RPL3L: variants seen among roughly 807,000 people sequenced by gnomAD.
RPL3L encodes ribosomal protein uL3-like.
In RPL3L, 44 loss-of-function variants were observed where a neutral mutation model predicts 44.5. That is an observed-to-expected ratio of 0.99 (90% CI 0.78 to 1.27). The LOEUF (loss-of-function observed/expected upper bound fraction) is 1.27. RPL3L is among the 50% of genes most tolerant of loss of function. The probability of loss-of-function intolerance (pLI) is 0.00; values close to 1 mark genes in which losing one functional copy is unlikely to be tolerated. For synonymous variants in RPL3L, 292 were observed against 230.7 expected, an observed-to-expected ratio of 1.27 and a Z score of -2.41; for missense variants, 631 against 569.1, an observed-to-expected ratio of 1.11 and a Z score of -1.11.
rs201091219 is a variant in RPL3L, at chr16:1,952,129, A to T, written c.365+745T>A. On this transcript the variant is annotated intron_variant, in intron 3 of 9. Coordinates refer to ENST00000268661, the MANE Select transcript of RPL3L (RefSeq NM_005061.3). ...ACGCCCAGCTTATTTTTTTATTTTTATTTTTTTTTTTGTATTTTTAGTAGA... is the reference window on the plus strand; with the variant it reads ...ACGCCCAGCTTATTTTTTTATTTTTTTTTTTTTTTTTGTATTTTTAGTAGA... Among the ~76,000 whole-genome samples the T allele has an allele frequency of 4.0e-3, 565 of 142,028 alleles. 2 individuals carry two copies. Among genetic ancestry groups the T allele is most frequent in the East Asian group, 0.02 (97 of 4,864 alleles). 93.2% of individuals were successfully genotyped at this position (142,028 alleles called of 152,430 possible). A position where few individuals can be genotyped will look rare whatever the true frequency, so the allele number is the denominator to read the frequency against.
chr16:1,946,940 TCTTGTTGAG>T lies in RPL3L; in HGVS notation c.838_846del (p.Leu280_Lys282del). ...CCGTACCCCGGCTGAGGACGCACCT[TCTTGTTGAG>T]CTCCGTGCGGTGGTGATAGCCCTTC... On this transcript the variant is annotated inframe_deletion, in exon 6 of 10. Coordinates refer to ENST00000268661, the MANE Select transcript of RPL3L (RefSeq NM_005061.3). 2 of 1,599,614 alleles carry T rather than the reference TCTTGTTGAG, an allele frequency of 1.3e-6. No individual in the cohort carries two copies. Among genetic ancestry groups the T allele is most frequent in the Non-Finnish European group, 1.7e-6 (2 of 1,172,786 alleles).
Position 1,947,212 on chromosome 16 carries a change from T to A in RPL3L, c.670A>T (p.Lys224Ter). 1 of 1,612,930 alleles carries A rather than the reference T, an allele frequency of 6.2e-7. No individual in the cohort carries two copies. The highest frequency in any genetic ancestry group is 8.5e-7 in the Non-Finnish European group (1 of 1,179,336). The change falls in exon 5 of 10, where the codon AAG (lysine) becomes TAG (stop). Residue 224 changes from lysine to a stop codon, truncating the protein, a stop_gained. Coordinates refer to ENST00000268661, the MANE Select transcript of RPL3L (RefSeq NM_005061.3). LOFTEE classifies it high-confidence loss of function. ...GCCCTACCTTTGACGCCTCGACCCT[T>A]GGTGACAGCAATGACATCAATGACC... ...SEVIDVIAVT[K>*]GRGVKGVTSR...
chr16:1,946,154 G>T (rs2083119557), intron 7 of RPL3L, among the ~76,000 whole-genome samples: 1 of 152,226 alleles, frequency 6.6e-6, no homozygotes, highest in African/African-American at 2.4e-5. Context: ...CTGCATTTTT[G>T]TTGGGGGAGA....
chr16:1,952,975 G>GC lies in RPL3L; in HGVS notation c.263dup (p.Val89ArgfsTer24). 6.2e-7 allele frequency: 1 copy of GC among 1,612,876 alleles called. No homozygotes were observed. The highest frequency in any genetic ancestry group is 8.5e-7 in the Non-Finnish European group (1 of 1,179,614). On this transcript the variant is annotated frameshift_variant, in exon 3 of 10. Transcript: ENST00000268661. LOFTEE classifies it high-confidence loss of function. ...GAGGGGTGGCCACGTAGCCCACCAC[G>GC]CCCACCACCACTAGGGGCGGCGTTT... is the stretch of plus-strand genomic sequence containing the variant.
In RPL3L at chr16:1,944,680, T is replaced by C; in HGVS notation, c.*157A>G. On this transcript the variant is annotated 3_prime_UTR_variant, in exon 10 of 10. Coordinates refer to ENST00000268661, the MANE Select transcript of RPL3L (RefSeq NM_005061.3). Reference sequence around the variant, plus strand: ...CTCTTTCTCTATTGCAATTCCCCTGTCTTAATGAATCGGCTTTGTCTAGGC... The same window carrying C: ...CTCTTTCTCTATTGCAATTCCCCTGCCTTAATGAATCGGCTTTGTCTAGGC... 1 of 808,682 alleles carries C rather than the reference T, an allele frequency of 1.2e-6. No individual in the cohort carries two copies. Among genetic ancestry groups the C allele is most frequent in the Non-Finnish European group, 2.1e-6 (1 of 478,060 alleles). 50.1% of individuals were successfully genotyped at this position (808,682 alleles called of 1,614,324 possible). A position where few individuals can be genotyped will look rare whatever the true frequency, so the allele number is the denominator to read the frequency against.
rs2083102227 is a variant in RPL3L at position 1,944,130 on chromosome 16, A to T, written c.*707T>A. On this transcript the variant is annotated 3_prime_UTR_variant, in exon 10 of 10. Transcript: ENST00000268661. The stretch of plus-strand genomic sequence containing the variant: ...AGCCAGTTTATAGTTTAAAACAAAG[A>T]CAGTAACAGCCCTTTCCCAAAGCAG... The T allele has an allele frequency of 6.6e-6, 1 of 152,220 alleles. No homozygotes were observed. Among genetic ancestry groups the T allele is most frequent in the African/African-American group, 2.4e-5 (1 of 41,436 alleles). The allele number at this position is 152,220 out of a possible 1,614,324, so 9.4% of individuals were successfully genotyped here.
intron 6 of RPL3L, 93 bp downstream of exon 6, chr16:1,946,845 C>T (rs1432765525): frequency 2.6e-6 from 4 of 1,562,360 alleles, no homozygotes; most frequent in Admixed American, 3.4e-5. Flanking sequence ...GTGTCCCCGG[C>T]AGTGTCTGGG....
At chr16:1,946,796 C>A in intron 6 of RPL3L, 70 bp from the exon 7 acceptor site, 1 of 1,591,252 alleles carries the variant, frequency 6.3e-7, no homozygotes, top group Admixed American at 1.7e-5. Flanking sequence ...CAGGCCCATC[C>A]GCCCACATGC....
Position 1,953,023 on chromosome 16 carries a change from C to A in RPL3L, c.216G>T (p.Glu72Asp), listed in dbSNP as rs1474989211. Residue 72 changes from glutamate (E) to aspartate (D), a missense_variant, in exon 3 of 10, where the codon GAG (glutamate) becomes GAT (aspartate). Glu to Asp is a conservative substitution (Grantham distance 45). Coordinates refer to ENST00000268661, the MANE Select transcript of RPL3L (RefSeq NM_005061.3). The stretch of plus-strand genomic sequence containing the variant: ...TTTCTACAATTGTCACCGCCTCCAC[C>A]TCCTCCCGTTTGGAAATTTCTGGAT... ...RPGLKISKRE[E>D]VEAVTIVETP... 1 of 1,600,998 alleles carries A rather than the reference C, an allele frequency of 6.2e-7. No homozygotes were observed. The highest frequency in any genetic ancestry group is 1.7e-5 in the Admixed American group (1 of 58,048).
At position 1,947,611 on chromosome 16, in the gene RPL3L, G is replaced by A. The variant is rs11863185; in HGVS notation, c.502-231C>T. 9.3e-3 allele frequency among the ~76,000 whole-genome samples: 1,418 copies of A among 152,336 alleles called. 24 individuals carry two copies. Among genetic ancestry groups the A allele is most frequent in the African/African-American group, 0.031 (1,271 of 41,580 alleles). On this transcript the variant is annotated intron_variant, in intron 4 of 9. Coordinates refer to ENST00000268661, the MANE Select transcript of RPL3L (RefSeq NM_005061.3). ...CCACCATCTCACTGGGGGACAGAAG[G>A]AAACCAAGTAACTCTTGGAGAGGAC...
chr16:1,949,719 ACGGGG>A (rs1311395181), intron 4 of RPL3L, among the ~76,000 whole-genome samples: 17 of 122,274 alleles, frequency 1.4e-4, no homozygotes, highest in African/African-American at 2.5e-4. Flanking sequence ...GCAGGTATGG[ACGGGG>A]CAGTATGTAC....
chr16:1,948,230 C>T (rs572439628), intron 4 of RPL3L, among the ~76,000 whole-genome samples: 3 of 150,492 alleles, frequency 2.0e-5, no homozygotes, highest in Admixed American at 2.0e-4. Context: ...AGCCACCACG[C>T]CCGGCCTTTT....
At chr16:1,948,121 T>C (rs1467324237) in intron 4 of RPL3L, among the ~76,000 whole-genome samples, 1 of 151,830 alleles carries the variant, frequency 6.6e-6, no homozygotes, top group East Asian at 1.9e-4. Context: ...GTATTTTTAG[T>C]TGAGACAGGG....
chr16:1,947,851 G>A (rs1374486199), intron 4 of RPL3L, among the ~76,000 whole-genome samples: 4 of 152,142 alleles, frequency 2.6e-5, no homozygotes, highest in East Asian at 1.9e-4. Context: ...GTGGGCAGAC[G>A]GTGGGGAGCA....
intron 9 of RPL3L, 52 bp from the exon 10 acceptor site, chr16:1,944,945 C>T (rs371095720): frequency 2.5e-5 from 40 of 1,610,422 alleles, no homozygotes; most frequent in East Asian, 1.8e-4. Flanking sequence ...GCCAGAAACA[C>T]GCCCTCCCCC....
At chr16:1,945,729 C>T (rs1029536983) in intron 8 of RPL3L, 106 bp downstream of exon 8, 6 of 1,602,720 alleles carry the variant, frequency 3.7e-6, no homozygotes, top group Admixed American at 1.7e-5. Context: ...TACCAGAGCC[C>T]TCCCCTTCTG....
At chr16:1,948,818 C>G (rs1295874825) in intron 4 of RPL3L, among the ~76,000 whole-genome samples, 1 of 151,974 alleles carries the variant, frequency 6.6e-6, no homozygotes, top group Non-Finnish European at 1.5e-5. Flanking sequence ...TGGGTTCACG[C>G]CATTCTCCTA....
At chr16:1,953,605 G>A (rs1439631892) in intron 2 of RPL3L, among the ~76,000 whole-genome samples, 1 of 152,216 alleles carries the variant, frequency 6.6e-6, no homozygotes, top group African/African-American at 2.4e-5. Flanking sequence ...TGAAATAATG[G>A]TACATGAAAT....
Position 1,946,926 on chromosome 16 carries a change from C to T in RPL3L, c.849+12G>A. The T allele has an allele frequency of 2.5e-6, 4 of 1,592,938 alleles. No individual in the cohort carries two copies. Among genetic ancestry groups the T allele is most frequent in the Non-Finnish European group, 3.4e-6 (4 of 1,169,136 alleles). On this transcript the variant is annotated intron_variant, in intron 6 of 9. Transcript: ENST00000268661. ...ACCACACAGTGTCCCCGTACCCCGG[C>T]TGAGGACGCACCTTCTTGTTGAGCT...
Sources: gnomAD v4.1 joint callset for allele counts (sites outside exome capture counted in the v4.1 genomes callset) on GRCh38, gnomAD v4.1.1 for gene constraint, MANE v1.5 for transcripts, NCBI Gene and HGNC (gene_info 2026-07-23, HGNC 2026-07-21) for gene names.